TRPV4: variants seen among roughly 807,000 people sequenced by gnomAD.
TRPV4 encodes transient receptor potential cation channel subfamily V member 4.
TRPV4 carries 58 observed loss-of-function variants against 84.1 expected under a neutral mutation model. That is an observed-to-expected ratio of 0.69 (90% CI 0.56 to 0.86). TRPV4 has a LOEUF of 0.86. TRPV4 is among the 40% of genes least tolerant of loss of function. The pLI, the probability that TRPV4 is intolerant of heterozygous loss-of-function variation, is 0.00. For missense variants in TRPV4, 879 were observed against 1,181.1 expected (o/e 0.74, Z 3.75); for synonymous variants, 489 against 500.9 (o/e 0.98, Z 0.32).
rs1330383609 is a variant in TRPV4 at position 109,800,625 on chromosome 12, G to C, written c.846C>G (p.Phe282Leu). 6.2e-7 allele frequency: 1 copy of C among 1,614,178 alleles called. No homozygotes were observed. The highest frequency in any genetic ancestry group is 1.1e-5 in the South Asian group (1 of 91,088). ...CACCAGGCCCCTCCTTACCAAAGTA[G>C]AAGTAGCCCCCCTCATCCTTGGGCT... Reference protein sequence around the residue: ...FFQPKDEGGYFYFGELPLSLA... With the variant: ...FFQPKDEGGYLYFGELPLSLA... Residue 282 changes from phenylalanine to leucine, a missense_variant, in exon 5 of 16, where the codon TTC becomes TTG. Phe to Leu is a conservative substitution (Grantham distance 22). Transcript: ENST00000261740.
chr12:109,805,195 C>T (rs184411722), intron 3 of TRPV4, among the ~76,000 whole-genome samples: 2 of 152,382 alleles, frequency 1.3e-5, no homozygotes, highest in Non-Finnish European at 2.9e-5. Context: ...CACTATCATT[C>T]GGCCTCTGCC....
intron 1 of TRPV4, among the ~76,000 whole-genome samples, chr12:109,828,463 A>T (rs1892326118): frequency 6.6e-6 from 1 of 152,158 alleles, no homozygotes. Flanking sequence ...GTGCCAGCTC[A>T]TGGGCTGCAA....
chr12:109,825,617 C>G (rs552172585), intron 1 of TRPV4, among the ~76,000 whole-genome samples: 5 of 152,148 alleles, frequency 3.3e-5, no homozygotes, highest in Non-Finnish European at 2.9e-5. Flanking sequence ...AGGGTTTCCT[C>G]GCCACCTCAT....
chr12:109,830,479 C>T (rs543257528), intron 1 of TRPV4, among the ~76,000 whole-genome samples: 2 of 152,292 alleles, frequency 1.3e-5, no homozygotes, highest in East Asian at 3.9e-4. Flanking sequence ...GAACCTTGTA[C>T]CCAGAGTTCA....
At chr12:109,804,727 C>A (rs942711366) in intron 3 of TRPV4, among the ~76,000 whole-genome samples, 1 of 152,170 alleles carries the variant, frequency 6.6e-6, no homozygotes, top group African/African-American at 2.4e-5. Context: ...AGCTCAGAGG[C>A]GACACCAAAC....
intron 4 of TRPV4, 148 bp from the exon 5 acceptor site, chr12:109,800,906 T>G: frequency 1.4e-6 from 1 of 739,696 alleles, no homozygotes. Context: ...GGGCAGCAAA[T>G]AGGTCCTTGG....
At chr12:109,828,409 A>C (rs2091864053) in intron 1 of TRPV4, among the ~76,000 whole-genome samples, 1 of 152,176 alleles carries the variant, frequency 6.6e-6, no homozygotes, top group South Asian at 2.1e-4. Context: ...AGTCACATTG[A>C]AAGTGAGGCC....
At chr12:109,811,162 G>T (rs980254572) in intron 2 of TRPV4, among the ~76,000 whole-genome samples, 1 of 152,084 alleles carries the variant, frequency 6.6e-6, no homozygotes, top group Admixed American at 6.6e-5. Context: ...AAGCCCTCCT[G>T]GATTACCTTT....
At chr12:109,788,759 C>G in intron 12 of TRPV4, 43 bp from the exon 13 acceptor site, 1 of 1,606,976 alleles carries the variant, frequency 6.2e-7, no homozygotes, top group Non-Finnish European at 8.5e-7. Context: ...GTGAGCACAC[C>G]CACAGAGAGG....
chr12:109,797,114 G>A (rs1890451893), intron 6 of TRPV4, among the ~76,000 whole-genome samples: 1 of 152,174 alleles, frequency 6.6e-6, no homozygotes, highest in South Asian at 2.1e-4. Flanking sequence ...GAGGCACAGA[G>A]AGGGGTGGGA....
rs1174233834 is a variant in TRPV4 at position 109,814,797 on chromosome 12, G to T, written c.-1C>A. 1.3e-6 allele frequency: 2 copies of T among 1,539,888 alleles called. No individual in the cohort carries two copies. The highest frequency in any genetic ancestry group is 1.7e-6 in the Non-Finnish European group (2 of 1,147,212). On this transcript the variant is annotated 5_prime_UTR_variant, in exon 2 of 16. Coordinates refer to ENST00000261740, the MANE Select transcript of TRPV4 (RefSeq NM_021625.5). This position sits in a 1 kb window ranked among gnomAD's most constrained non-coding sequence, Gnocchi z 5.4. ...GGGGGCCTTCGCTGGAATCCGCCATGCCTGCCCCAGGCCCGTCTGCACTGC... is the reference window on the plus strand; with the variant it reads ...GGGGGCCTTCGCTGGAATCCGCCATTCCTGCCCCAGGCCCGTCTGCACTGC...
chr12:109,802,706 T>A (rs2136555112), intron 4 of TRPV4, among the ~76,000 whole-genome samples: 1 of 151,750 alleles, frequency 6.6e-6, no homozygotes. Context: ...TCTGCCCCCC[T>A]TGGCCTCCCA....
chr12:109,814,446 G>A lies in TRPV4; in HGVS notation c.351C>T (p.Ser117=), dbSNP rs199963499. Residue 117 remains serine (S), a synonymous_variant, in exon 2 of 16, where the codon TCC becomes TCT. Coordinates refer to ENST00000261740, the MANE Select transcript of TRPV4 (RefSeq NM_021625.5). The surrounding 1 kb of genome is among the most constrained non-coding windows in gnomAD (Gnocchi z 5.4). ...LFDYGTYRHH[S]SDNKRWRKKI... ...TCTTCCTCCACCTCTTGTTGTCACT[G>A]GAGTGGTGACGATAGGTGCCGTAGT... is the stretch of plus-strand genomic sequence containing the variant. The A allele has an allele frequency of 1.2e-6, 2 of 1,614,162 alleles. No individual in the cohort carries two copies. Among genetic ancestry groups the A allele is most frequent in the Admixed American group, 1.7e-5 (1 of 60,026 alleles).
Position 109,783,315 on chromosome 12 carries a change from T to G in TRPV4, c.*306A>C, listed in dbSNP as rs1592811421. The stretch of plus-strand genomic sequence containing the variant: ...TGCCAGGTTCCAGCTGGGGCAGGGG[T>G]CACGTCGCTTCCTGAGAGCAGAGCA... On this transcript the variant is annotated 3_prime_UTR_variant, in exon 16 of 16. Coordinates refer to ENST00000261740, the MANE Select transcript of TRPV4 (RefSeq NM_021625.5). The surrounding 1 kb of genome is among the most constrained non-coding windows in gnomAD (Gnocchi z 4.6). 6.2e-6 allele frequency: 2 copies of G among 322,706 alleles called. No homozygotes were observed. Among genetic ancestry groups the G allele is most frequent in the South Asian group, 7.2e-5 (1 of 13,972 alleles). The allele number at this position is 322,706 out of a possible 1,614,324, so 20.0% of individuals were successfully genotyped here.
chr12:109,817,358 C>A (rs1433174790), intron 1 of TRPV4, among the ~76,000 whole-genome samples: 1 of 152,118 alleles, frequency 6.6e-6, no homozygotes, highest in African/African-American at 2.4e-5. Context: ...CCACTGCACC[C>A]CTCACCATGG....
At chr12:109,826,084 C>A (rs140298629) in intron 1 of TRPV4, among the ~76,000 whole-genome samples, 1 of 152,168 alleles carries the variant, frequency 6.6e-6, no homozygotes, top group South Asian at 2.1e-4. Context: ...AGTGCAGTGG[C>A]ACAATCATAG....
intron 2 of TRPV4, among the ~76,000 whole-genome samples, chr12:109,811,765 C>T (rs1891536548): frequency 6.6e-6 from 1 of 151,740 alleles, no homozygotes; most frequent in Non-Finnish European, 1.5e-5. Context: ...TCGGCTCCAT[C>T]CAAGAGATAA....
chr12:109,794,434 C>T lies in TRPV4; in HGVS notation c.1386G>A (p.Lys462=). ...VEPINELLRD[K]WRKFGAVSFY... is the part of the protein sequence containing the mutation. Reference sequence around the variant, plus strand: ...AGGAGACGGCCCCGAACTTGCGCCACTTGTCCCGCAGCAGTTCATTGATGG... The same window carrying T: ...AGGAGACGGCCCCGAACTTGCGCCATTTGTCCCGCAGCAGTTCATTGATGG... The change falls in exon 8 of 16, where the codon AAG becomes AAA. Residue 462 remains lysine, a synonymous_variant. Transcript: ENST00000261740. The T allele has an allele frequency of 6.2e-7, 1 of 1,614,096 alleles. No individual in the cohort carries two copies. The highest frequency in any genetic ancestry group is 8.5e-7 in the Non-Finnish European group (1 of 1,180,024).
chr12:109,796,576 A>G lies in TRPV4; in HGVS notation c.1281T>C (p.Cys427=), dbSNP rs577991131. ...SLYDLSSLDT[C]GEEASVLEIL... ...TCTCCAGCACGGAGGCCTCTTCCCC[A>G]CACGTGTCCAGGGAGGAGAGGTCAT... The change falls in exon 7 of 16, where the codon TGT becomes TGC. Residue 427 remains cysteine (C), a synonymous_variant. Transcript: ENST00000261740. The surrounding 1 kb of genome is among the most constrained non-coding windows in gnomAD (Gnocchi z 4.2). The G allele has an allele frequency of 1.7e-5, 27 of 1,613,708 alleles. No homozygotes were observed. The African/African-American group carries it at 2.1e-4, about 13-fold the overall frequency.
Sources: gnomAD v4.1 joint callset for allele counts (sites outside exome capture counted in the v4.1 genomes callset) on GRCh38, gnomAD v4.1.1 for gene constraint, Gnocchi (gnomAD v3.1) non-coding constraint, MANE v1.5 for transcripts, NCBI Gene and HGNC (gene_info 2026-07-23, HGNC 2026-07-21) for gene names.